CRLF2: variants seen among roughly 807,000 people sequenced by gnomAD.
The protein encoded by CRLF2 is cytokine receptor-like factor 2.
In CRLF2, 41 loss-of-function variants were observed where a neutral mutation model predicts 38.7. The ratio of observed to expected loss-of-function variants is 1.06; its 90% CI spans 0.83 to 1.37. The LOEUF is 1.37. Among genes scored for constraint, CRLF2 ranks in the 40% most tolerant of loss-of-function variants. CRLF2 has a pLI of 0.00. For missense variants in CRLF2, 377 were observed against 322.2 expected, an observed-to-expected ratio of 1.17 and a Z score of -1.30; for synonymous variants, 140 against 128.8, an observed-to-expected ratio of 1.09 and a Z score of -0.59.
chrX:1,193,739 G>A lies in CRLF2; in HGVS notation c.768-437C>T, dbSNP rs1476794080. On this transcript the variant is annotated intron_variant, in intron 6 of 7. Coordinates refer to ENST00000400841, the MANE Select transcript of CRLF2 (RefSeq NM_022148.4). ...GGAGGTTTCAGTGATCCGAGATTGC[G>A]CCACTGCACTCCAGCCTGGGCGACA... Among the ~76,000 whole-genome samples, 173 of 134,440 alleles carry A rather than the reference G, an allele frequency of 1.3e-3. 1 individual carries two copies. The highest frequency in any genetic ancestry group is 1.6e-3 in the Non-Finnish European group (103 of 65,570). 88.2% of individuals were successfully genotyped at this position (134,440 alleles called of 152,430 possible).
intron 6 of CRLF2, among the ~76,000 whole-genome samples, chrX:1,194,169 A>C (rs1474317973): frequency 6.6e-6 from 1 of 152,036 alleles, no homozygotes; most frequent in Non-Finnish European, 1.5e-5. Context: ...GTCTGCGTGT[A>C]GTCCCAGCTA....
intron 4 of CRLF2, among the ~76,000 whole-genome samples, chrX:1,200,127 C>G (rs139039082): frequency 3.5e-4 from 52 of 150,276 alleles, no homozygotes; most frequent in Non-Finnish European, 6.2e-4. Context: ...GTTTGTGTAT[C>G]TATACATGTG....
intron 3 of CRLF2, among the ~76,000 whole-genome samples, chrX:1,202,771 G>C (rs1261581967): frequency 2.0e-5 from 3 of 152,056 alleles, no homozygotes; most frequent in Non-Finnish European, 4.4e-5. Flanking sequence ...CTGTGTGTCT[G>C]TTACGGGCTA....
intron 6 of CRLF2, among the ~76,000 whole-genome samples, chrX:1,194,899 G>A (rs1366725235): frequency 1.3e-5 from 2 of 151,990 alleles, no homozygotes; most frequent in Admixed American, 6.6e-5. Flanking sequence ...AGGTGTGGTG[G>A]CGCGCACCTG....
intron 4 of CRLF2, among the ~76,000 whole-genome samples, chrX:1,199,788 T>TTGTGTATATATAAGTTG (rs1303686243): frequency 9.9e-5 from 15 of 151,832 alleles, no homozygotes; most frequent in African/African-American, 3.4e-4. Context: ...GTATATATAA[T>TTGTGTATATATAAGTTG]TGTGTATATA....
intron 1 of CRLF2, among the ~76,000 whole-genome samples, chrX:1,210,115 AGAAAAGAAAAGAAAAG>A (rs1298649434): frequency 0.29 from 36,461 of 126,770 alleles, 5,887 homozygotes; most frequent in Admixed American, 0.37. Context: ...AAAAAAAAAA[AGAAAAGAAAAGAAAAG>A]AAAAGAAAAG....
At chrX:1,196,475 C>T (rs373572582) in intron 6 of CRLF2, among the ~76,000 whole-genome samples, 28 of 151,828 alleles carry the variant, frequency 1.8e-4, no homozygotes, top group Admixed American at 6.6e-4. Flanking sequence ...CGTGAACCAC[C>T]GTGCCTGACC....
In CRLF2 at chrX:1,191,012, T is replaced by C. The variant is rs2086363989; in HGVS notation, c.1001A>G (p.Lys334Arg). ...CTGGAGGGATCCCCCAGAGGCCTCT[T>C]TCTCCTCGGTCTGTGGGTCCAGCAT... The part of the protein sequence containing the change: ...PRMLDPQTEE[K>R]EASGGSLQLP... The change falls in exon 8 of 8, where the codon AAA (lysine) becomes AGA (arginine). Residue 334 changes from lysine to arginine, a missense_variant. Lys to Arg is a conservative substitution (Grantham distance 26, BLOSUM62 2). Transcript: ENST00000400841. The C allele has an allele frequency of 5.0e-6, 2 of 398,554 alleles. No individual in the cohort carries two copies. The allele number at this position is 398,554 out of a possible 1,614,324, so 24.7% of individuals were successfully genotyped here.
chrX:1,211,017 G>A (rs1259314746), intron 1 of CRLF2, among the ~76,000 whole-genome samples: 3 of 149,988 alleles, frequency 2.0e-5, no homozygotes, highest in Admixed American at 2.0e-4. Flanking sequence ...GGATGAAAGT[G>A]TGGGTGAATG....
chrX:1,197,026 G>A (rs1287604503), intron 5 of CRLF2, 126 bp from the exon 6 acceptor site: 2 of 725,810 alleles, frequency 2.8e-6, no homozygotes, highest in East Asian at 6.1e-5. Context: ...TTTTTTTCTT[G>A]GTTCTCGTTG....
At chrX:1,192,122 G>A (rs1411251516) in intron 7 of CRLF2, among the ~76,000 whole-genome samples, 15 of 138,896 alleles carry the variant, frequency 1.1e-4, no homozygotes, top group East Asian at 2.3e-4. Context: ...GGAGAATGGC[G>A]TGAACCCGGG....
intron 2 of CRLF2, among the ~76,000 whole-genome samples, chrX:1,207,382 A>G (rs1323375049): frequency 2.7e-5 from 4 of 149,898 alleles, no homozygotes; most frequent in African/African-American, 9.9e-5. Context: ...CAGCCTCCCA[A>G]GTTGCTGGGA....
At position 1,202,116 on chromosome X, in the gene CRLF2, T is replaced by C. The variant is rs148838240; in HGVS notation, c.483+286A>G. ...ATAGATACATAGATAGAGGTAGAGA[T>C]AAAATAGAATGATATAGATAGATTG... On this transcript the variant is annotated intron_variant, in intron 4 of 7. Transcript: ENST00000400841. Among the ~76,000 whole-genome samples the C allele has an allele frequency of 3.0e-4, 46 of 151,764 alleles. No homozygotes were observed. In the East Asian group the frequency reaches 8.4e-3, roughly 28 times the overall value.
chrX:1,212,609 C>T lies in CRLF2; in HGVS notation c.26G>A (p.Gly9Glu), dbSNP rs2086825440. 6.2e-7 allele frequency: 1 copy of T among 1,612,522 alleles called. No homozygotes were observed. Among genetic ancestry groups the T allele is most frequent in the South Asian group, 1.1e-5 (1 of 91,036 alleles). The change falls in exon 1 of 8, where the codon GGA becomes GAA. Residue 9 changes from glycine to glutamate, a missense_variant. Physicochemically the swap from Gly to Glu is moderately conservative, Grantham distance 98 (BLOSUM62 -2). Transcript: ENST00000400841. ...GCCTCCCAGCAGAAAGACGGCAGCT[C>T]CCCACAGCAGAACCAGCCGCCCCAT... MGRLVLLW[G>E]AAVFLLGGWM...
intron 1 of CRLF2, among the ~76,000 whole-genome samples, chrX:1,209,548 G>C: frequency 6.6e-6 from 1 of 151,292 alleles, no homozygotes; most frequent in South Asian, 2.1e-4. Flanking sequence ...AGCCAGGATG[G>C]TCTCGATCTC....
chrX:1,192,420 C>T (rs1314563339), intron 7 of CRLF2, among the ~76,000 whole-genome samples: 3 of 150,882 alleles, frequency 2.0e-5, no homozygotes, highest in Non-Finnish European at 4.4e-5. Flanking sequence ...TGAGACCAGC[C>T]TGGACAACAT....
intron 7 of CRLF2, among the ~76,000 whole-genome samples, 199 bp from the exon 8 acceptor site, chrX:1,191,359 TTCCTTTCTTTCTCTTTCTTTCTTTCTC>T: frequency 7.9e-6 from 1 of 126,168 alleles, no homozygotes; most frequent in South Asian, 2.9e-4. Context: ...CTTTCTTTCT[TTCCTTTCTTTCTCTTTCTTTCTTTCTC>T]TCTTTCTCTC....
At chrX:1,197,200 C>CT (rs1214772015) in intron 5 of CRLF2, among the ~76,000 whole-genome samples, 1 of 149,914 alleles carries the variant, frequency 6.7e-6, no homozygotes, top group African/African-American at 2.5e-5. Flanking sequence ...TCAAGCGATT[C>CT]TCCTGTCTCA....
chrX:1,193,564 G>C (rs1274952450), intron 6 of CRLF2, among the ~76,000 whole-genome samples: 1 of 150,844 alleles, frequency 6.6e-6, no homozygotes, highest in Non-Finnish European at 1.5e-5. Context: ...GATCACCTGA[G>C]GTCAGGAGTT....
Sources: gnomAD v4.1 joint callset for allele counts (sites outside exome capture counted in the v4.1 genomes callset) on GRCh38, gnomAD v4.1.1 for gene constraint, MANE v1.5 for transcripts, NCBI Gene and HGNC (gene_info 2026-07-23, HGNC 2026-07-21) for gene names.